Variants in PPP2R1B observed in about 807,000 individuals in gnomAD.
The protein encoded by PPP2R1B is serine/threonine-protein phosphatase 2A 65 kDa regulatory subunit A beta isoform.
A neutral mutation model predicts 72.7 loss-of-function variants in PPP2R1B; 58 were observed. The ratio of observed to expected loss-of-function variants is 0.80; its 90% CI spans 0.65 to 0.99. PPP2R1B has a LOEUF of 0.99. Ranked by LOEUF, PPP2R1B falls within the 50% of genes least tolerant of loss-of-function variation. The probability of loss-of-function intolerance (pLI) is 0.00; values close to 1 mark genes in which losing one functional copy is unlikely to be tolerated. For synonymous variants in PPP2R1B, 256 were observed against 264.6 expected (o/e 0.97, Z 0.32); for missense variants, 695 against 733.6 (o/e 0.95, Z 0.61).
the PPP2R1B span, among the ~76,000 whole-genome samples, chr11:111,716,299 C>G: frequency 6.6e-6 from 1 of 152,094 alleles, no homozygotes; most frequent in Admixed American, 6.6e-5. Flanking sequence ...GGATATACAT[C>G]TGGCCAGGTG....
At chr11:111,747,760 A>G (rs1018050608) in intron 11 of PPP2R1B, among the ~76,000 whole-genome samples, 194 bp downstream of exon 11, 1 of 152,240 alleles carries the variant, frequency 6.6e-6, no homozygotes, top group Admixed American at 6.5e-5. Context: ...TAATGGAGAA[A>G]ATAAAATCGA....
chr11:111,744,447 C>T (rs1359807189), intron 11 of PPP2R1B, among the ~76,000 whole-genome samples: 1 of 152,216 alleles, frequency 6.6e-6, no homozygotes, highest in Non-Finnish European at 1.5e-5. Context: ...TAATAATTCC[C>T]TATATCCTTT....
intron 10 of PPP2R1B, among the ~76,000 whole-genome samples, chr11:111,750,846 T>TG (rs1555047636): frequency 6.6e-6 from 1 of 150,546 alleles, no homozygotes; most frequent in East Asian, 1.9e-4. Context: ...TTGTTTTGTT[T>TG]TTTTTTTTTT....
At chr11:111,761,802 T>C (rs2136110747) in intron 3 of PPP2R1B, among the ~76,000 whole-genome samples, 1 of 151,972 alleles carries the variant, frequency 6.6e-6, no homozygotes, top group Admixed American at 6.5e-5. Context: ...CTACAAAAAA[T>C]ACAAAAATTA....
chr11:111,744,424 C>G (rs1178184779), intron 11 of PPP2R1B, among the ~76,000 whole-genome samples: 1 of 152,158 alleles, frequency 6.6e-6, no homozygotes, highest in East Asian at 1.9e-4. Flanking sequence ...ATCAATGTGC[C>G]TGCCTTAACA....
Position 111,738,230 on chromosome 11 carries a change from C to T in PPP2R1B, c.*3366G>A, listed in dbSNP as rs77155205. On this transcript the variant is annotated 3_prime_UTR_variant, in exon 15 of 15. Transcript: ENST00000527614. The stretch of plus-strand genomic sequence containing the variant: ...CTGGGCAACAGGGCCTCTCCCTCTA[C>T]AGTTTCATATCCAAGCAGTGGAGAA... 8,582 of 985,556 alleles carry T rather than the reference C, an allele frequency of 8.7e-3. 45 individuals are homozygous for T. The highest frequency in any genetic ancestry group is 0.025 in the Middle Eastern group (48 of 1,914). The allele number at this position is 985,556 out of a possible 1,614,324, so 61.1% of individuals were successfully genotyped here.
downstream of PPP2R1B, chr11:111,723,957 A>G: frequency 6.2e-7 from 1 of 1,614,042 alleles, no homozygotes; most frequent in Non-Finnish European, 8.5e-7. Context: ...TATCCTGTGG[A>G]TGGAGCCCAG....
chr11:111,759,328 C>T (rs1945239463), intron 5 of PPP2R1B, among the ~76,000 whole-genome samples: 1 of 152,152 alleles, frequency 6.6e-6, no homozygotes, highest in African/African-American at 2.4e-5. Context: ...ATTGTTATTT[C>T]TACACCAAAG....
chr11:111,733,738 G>C (rs1206751303), downstream of PPP2R1B, among the ~76,000 whole-genome samples: 1 of 152,212 alleles, frequency 6.6e-6, no homozygotes, highest in Non-Finnish European at 1.5e-5. Flanking sequence ...GGATCCGCCA[G>C]AACTGCCTTC....
Position 111,766,247 on chromosome 11 carries a change from C to T in PPP2R1B, c.114+1G>A, listed in dbSNP as rs1230012760. On this transcript the variant is annotated splice_donor_variant, in intron 1 of 14. Coordinates refer to ENST00000527614, the MANE Select transcript of PPP2R1B (RefSeq NM_002716.5). LOFTEE classifies it high-confidence loss of function. Reference sequence around the variant, plus strand: ...TCGGGTCCCCGGCCTCAGTCCAGTACCTGCACGTCTTCATTGCGGAGCTCG... The same window carrying T: ...TCGGGTCCCCGGCCTCAGTCCAGTATCTGCACGTCTTCATTGCGGAGCTCG... 1.2e-6 allele frequency: 2 copies of T among 1,613,722 alleles called. No homozygotes were observed. The highest frequency in any genetic ancestry group is 1.7e-6 in the Non-Finnish European group (2 of 1,179,826).
the PPP2R1B span, among the ~76,000 whole-genome samples, chr11:111,707,762 T>C: frequency 2.0e-5 from 3 of 152,158 alleles, no homozygotes; most frequent in Admixed American, 6.5e-5. Flanking sequence ...CTTGATATAG[T>C]AGCAAAAAAA....
the PPP2R1B span, among the ~76,000 whole-genome samples, chr11:111,708,726 A>G: frequency 3.3e-5 from 5 of 151,966 alleles, no homozygotes; most frequent in Admixed American, 1.3e-4. Flanking sequence ...TGGGACCACA[A>G]GTGCATGCCA....
At chr11:111,688,632 GT>G in the PPP2R1B span, among the ~76,000 whole-genome samples, 1 of 152,226 alleles carries the variant, frequency 6.6e-6, no homozygotes, top group Non-Finnish European at 1.5e-5. The surrounding 1 kb of genome is among the most constrained non-coding windows in gnomAD (Gnocchi z 4.2). Context: ...ATACGATAGG[GT>G]TTTGATTTAT....
exon 16 of PPP2R1B, chr11:111,726,942 GTTC>G (rs1943988550): frequency 6.2e-7 from 1 of 1,607,448 alleles, no homozygotes; most frequent in Non-Finnish European, 8.5e-7. Context: ...TATTTTTTAT[GTTC>G]TTTTTTTAAA....
Position 111,742,087 on chromosome 11 carries a change from C to T in PPP2R1B, c.1755G>A (p.Met585Ile). The change falls in exon 14 of 15, where the codon ATG becomes ATA. Residue 585 changes from methionine to isoleucine, a missense_variant. Coordinates refer to ENST00000527614, the MANE Select transcript of PPP2R1B (RefSeq NM_002716.5). ...CTTCCTGTGCAAAGTATTTGACATC[C>T]ATGTCTTCATCTTGACCTAACTTCT... The part of the protein sequence containing the change: ...VLQKLGQDED[M>I]DVKYFAQEAI... 1 of 1,613,906 alleles carries T rather than the reference C, an allele frequency of 6.2e-7. No individual in the cohort carries two copies. The highest frequency in any genetic ancestry group is 8.5e-7 in the Non-Finnish European group (1 of 1,179,832).
At chr11:111,701,005 A>G in the PPP2R1B span, 5 of 1,613,802 alleles carry the variant, frequency 3.1e-6, no homozygotes, top group East Asian at 1.1e-4. The surrounding 1 kb of genome is among the most constrained non-coding windows in gnomAD (Gnocchi z 4.2). Context: ...ACAGCTGGAC[A>G]TCTGGGTACT....
the PPP2R1B span, chr11:111,703,224 G>A: frequency 3.7e-6 from 6 of 1,613,996 alleles, no homozygotes; most frequent in African/African-American, 8.0e-5. Context: ...CTTATCCGAA[G>A]GATGTTGGTC....
downstream of PPP2R1B, among the ~76,000 whole-genome samples, chr11:111,736,786 G>C (rs1420689772): frequency 6.6e-6 from 1 of 152,200 alleles, no homozygotes; most frequent in Non-Finnish European, 1.5e-5. Context: ...TACTAGAATG[G>C]GTGTGAGAAT....
chr11:111,713,771 A>G, the PPP2R1B span, among the ~76,000 whole-genome samples: 1 of 152,362 alleles, frequency 6.6e-6, no homozygotes, highest in African/African-American at 2.4e-5. Context: ...GTTCAAGACC[A>G]GCGTGGCCAA....
Sources: gnomAD v4.1 joint callset for allele counts (sites outside exome capture counted in the v4.1 genomes callset) on GRCh38, gnomAD v4.1.1 for gene constraint, Gnocchi (gnomAD v3.1) non-coding constraint, MANE v1.5 for transcripts, NCBI Gene and HGNC (gene_info 2026-07-23, HGNC 2026-07-21) for gene names.